SYNE1: variants seen among roughly 807,000 people sequenced by gnomAD.
SYNE1 encodes nesprin-1.
In SYNE1, 616 loss-of-function variants were observed where a neutral mutation model predicts 1,111.0. That is an observed-to-expected ratio of 0.55 (90% CI 0.52 to 0.59). The LOEUF (loss-of-function observed/expected upper bound fraction) is 0.59. Ranked by LOEUF, SYNE1 falls within the 20% of genes least tolerant of loss-of-function variation. The probability of loss-of-function intolerance (pLI) is 0.00; values close to 1 mark genes in which losing one functional copy is unlikely to be tolerated. For missense variants in SYNE1, 10,006 were observed against 10,417.0 expected (o/e 0.96, Z 1.72); for synonymous variants, 3,855 against 3,825.8 (o/e 1.01, Z -0.28).
intron 14 of SYNE1, among the ~76,000 whole-genome samples, chr6:152,480,285 C>T (rs911114799): frequency 2.0e-5 from 3 of 152,198 alleles, no homozygotes; most frequent in Non-Finnish European, 4.4e-5. Context: ...CTTTGGGAGG[C>T]TGAGGCAGGC....
chr6:152,265,722 T>A (rs771751603), intron 100 of SYNE1, among the ~76,000 whole-genome samples: 62 of 152,212 alleles, frequency 4.1e-4, no homozygotes, highest in Non-Finnish European at 7.8e-4. Context: ...TTTCCTTTTA[T>A]ATTGACATCA....
At chr6:152,607,463 G>T (rs1030701555) in intron 3 of SYNE1, among the ~76,000 whole-genome samples, 1 of 151,886 alleles carries the variant, frequency 6.6e-6, no homozygotes, top group South Asian at 2.1e-4. Flanking sequence ...CGGATCATTA[G>T]AGAAATGCAA....
chr6:152,385,653 A>G (rs930942733), intron 55 of SYNE1, 21 bp downstream of exon 55: 11 of 1,613,310 alleles, frequency 6.8e-6, no homozygotes, highest in South Asian at 5.5e-5. Flanking sequence ...ATGTAGATAT[A>G]GCATCTGTTC....
At chr6:152,579,021 C>T (rs2099510551) in intron 3 of SYNE1, among the ~76,000 whole-genome samples, 1 of 152,154 alleles carries the variant, frequency 6.6e-6, no homozygotes, top group Non-Finnish European at 1.5e-5. Flanking sequence ...TGATATTTTA[C>T]TTGCTACTTC....
At position 152,284,100 on chromosome 6, in the gene SYNE1, C is replaced by A; in HGVS notation, c.18085G>T (p.Val6029Leu). Residue 6029 changes from valine to leucine, a missense_variant, in exon 96 of 146, where the codon GTA (valine) becomes TTA (leucine). Val to Leu is a conservative substitution (Grantham distance 32). Transcript: ENST00000367255. ...ELQSSLAEELVSESCEADPAE... is the reference protein window; with the variant it reads ...ELQSSLAEELLSESCEADPAE... Reference sequence around the variant, plus strand: ...GGGTCGGCCTCACAAGACTCGGATACCAGCTCCTCTGCGAGAGAGGACTGG... The same window carrying A: ...GGGTCGGCCTCACAAGACTCGGATAACAGCTCCTCTGCGAGAGAGGACTGG... 1.9e-6 allele frequency: 3 copies of A among 1,614,166 alleles called. No individual in the cohort carries two copies. Among genetic ancestry groups the A allele is most frequent in the East Asian group, 2.2e-5 (1 of 44,876 alleles).
chr6:152,167,797 G>A (rs777943341), intron 130 of SYNE1: 12 of 582,998 alleles, frequency 2.1e-5, no homozygotes, highest in African/African-American at 1.5e-4. Context: ...TTTCTGGATC[G>A]CTTTCCTGTG....
chr6:152,257,462 C>G (rs141400538), intron 101 of SYNE1, among the ~76,000 whole-genome samples: 2 of 152,094 alleles, frequency 1.3e-5, no homozygotes, highest in Non-Finnish European at 2.9e-5. Flanking sequence ...GAACCAGAGG[C>G]AGAAATTGCA....
chr6:152,568,020 A>G (rs818447), intron 3 of SYNE1, among the ~76,000 whole-genome samples: 45,329 of 151,722 alleles, frequency 0.3, 7,812 homozygotes, highest in Non-Finnish European at 0.4. Context: ...GAAAATAGAA[A>G]AAAAAATCAT....
chr6:152,462,594 G>T, intron 20 of SYNE1, 144 bp downstream of exon 20: 1 of 842,124 alleles, frequency 1.2e-6, no homozygotes, highest in Non-Finnish European at 1.9e-6. Context: ...ATTTTTTTCT[G>T]ACAGGTGCAA....
intron 4 of SYNE1, among the ~76,000 whole-genome samples, chr6:152,528,551 A>G (rs2099176872): frequency 6.6e-6 from 1 of 152,222 alleles, no homozygotes; most frequent in South Asian, 2.1e-4. Context: ...TGTCACATGT[A>G]CAAATATTTA....
At chr6:152,588,154 C>G (rs2099546699) in intron 3 of SYNE1, among the ~76,000 whole-genome samples, 1 of 152,174 alleles carries the variant, frequency 6.6e-6, no homozygotes, top group Non-Finnish European at 1.5e-5. Context: ...TTCTCACCCC[C>G]AGCTGCTTCA....
chr6:152,580,493 C>T (rs1032031022), intron 3 of SYNE1, among the ~76,000 whole-genome samples: 2 of 152,138 alleles, frequency 1.3e-5, no homozygotes, highest in South Asian at 2.1e-4. Flanking sequence ...GTGTCTTTTG[C>T]TATGCAGAAG....
intron 87 of SYNE1, 110 bp downstream of exon 87, chr6:152,316,739 T>G: frequency 7.7e-7 from 1 of 1,291,174 alleles, no homozygotes. Context: ...TCTTTTTATC[T>G]GGTAGCTCCA....
rs766732148 is a variant in SYNE1, at chr6:152,155,983, T to C, written c.23905A>G (p.Ile7969Val). The C allele has an allele frequency of 1.2e-6, 2 of 1,614,182 alleles. No homozygotes were observed. The highest frequency in any genetic ancestry group is 1.3e-5 in the African/African-American group (1 of 75,054). The part of the protein sequence containing the change: ...ACATDAECDS[I>V]QQATRNLDRR... ...TCCAGGTTTCTCGTAGCCTGCTGTATAGAGTCACACTCGGCATCAGTGGCA... is the reference window on the plus strand; with the variant it reads ...TCCAGGTTTCTCGTAGCCTGCTGTACAGAGTCACACTCGGCATCAGTGGCA... Residue 7969 changes from isoleucine to valine, a missense_variant, in exon 132 of 146, where the codon ATA becomes GTA. Physicochemically the swap from Ile to Val is conservative, Grantham distance 29. Transcript: ENST00000367255.
chr6:152,488,633 C>G, intron 11 of SYNE1, 130 bp from the exon 12 acceptor site: 1 of 610,526 alleles, frequency 1.6e-6, no homozygotes, highest in Non-Finnish European at 2.9e-6. Flanking sequence ...AATTTCCTTT[C>G]TCCTTACCCC....
In SYNE1 at chr6:152,135,870, T is replaced by A. The variant is rs543230981; in HGVS notation, c.25660-638A>T. Among the ~76,000 whole-genome samples, 5 of 152,336 alleles carry A rather than the reference T, an allele frequency of 3.3e-5. No individual in the cohort carries two copies. In the South Asian group the frequency reaches 6.2e-4, roughly 19 times the overall value. ...TGGACCTACAAAGCCATCTGGTTCC[T>A]GACCACCTCCTCAGTCTTTCTTCTC... On this transcript the variant is annotated intron_variant, in intron 141 of 145. Coordinates refer to ENST00000367255, the MANE Select transcript of SYNE1 (RefSeq NM_182961.4).
At chr6:152,125,330 G>C in intron 145 of SYNE1, 1 of 1,550,416 alleles carries the variant, frequency 6.4e-7, no homozygotes, top group Non-Finnish European at 8.7e-7. Flanking sequence ...TTGGAAACAA[G>C]TGGTTTCCTC....
At position 152,362,212 on chromosome 6, in the gene SYNE1, A is replaced by G. The variant is rs147631683; in HGVS notation, c.10257T>C (p.His3419=). 2.5e-5 allele frequency: 40 copies of G among 1,614,112 alleles called. No individual in the cohort carries two copies. In the Middle Eastern group the frequency reaches 4.9e-4, roughly 20 times the overall value. The change falls in exon 64 of 146, where the codon CAT becomes CAC. Residue 3419 remains histidine (H), a synonymous_variant. Coordinates refer to ENST00000367255, the MANE Select transcript of SYNE1 (RefSeq NM_182961.4). Reference sequence around the variant, plus strand: ...TCGTTGTTTTATCCCGCAGCTCCGCATGCTGCCTTTCTGATTCATTCAGGT... The same window carrying G: ...TCGTTGTTTTATCCCGCAGCTCCGCGTGCTGCCTTTCTGATTCATTCAGGT... ...EANLNESERQ[H]AELRDKTTML...
intron 59 of SYNE1, among the ~76,000 whole-genome samples, 195 bp from the exon 60 acceptor site, chr6:152,369,809 C>G (rs1467284170): frequency 6.6e-6 from 1 of 151,568 alleles, no homozygotes; most frequent in Non-Finnish European, 1.5e-5. Context: ...ATGATGAGAC[C>G]CCGTCTCTAC....
Sources: allele counts gnomAD v4.1 joint callset (sites outside exome capture counted in the v4.1 genomes callset), GRCh38; gene constraint gnomAD v4.1.1; transcripts MANE v1.5; gene names NCBI Gene and HGNC (gene_info 2026-07-23, HGNC 2026-07-21).